Variants in SH3BGRL observed in about 807,000 individuals in gnomAD.
SH3BGRL encodes the protein SH3 domain binding glutamate rich protein like.
Under a neutral mutation model 9.8 loss-of-function variants are expected in SH3BGRL, and 7 were observed. The ratio of observed to expected loss-of-function variants is 0.72; its 90% confidence interval spans 0.41 to 1.35. The LOEUF (loss-of-function observed/expected upper bound fraction) is 1.35, where lower values mean the gene tolerates loss of function less well. Ranked by LOEUF, SH3BGRL falls within the 40% of genes most tolerant of loss-of-function variation. The probability of loss-of-function intolerance (pLI) is 0.01; values close to 1 mark genes in which losing one functional copy is unlikely to be tolerated. For synonymous variants in SH3BGRL, 36 were observed against 29.1 expected, an observed-to-expected ratio of 1.24 and a Z score of -0.76; for missense variants, 73 against 84.4, an observed-to-expected ratio of 0.86 and a Z score of 0.53.
chrX:81,265,634 G>T (rs12859164), intron 1 of SH3BGRL, among the ~76,000 whole-genome samples: 1 of 111,972 alleles, frequency 8.9e-6, no homozygotes, highest in Non-Finnish European at 1.9e-5. Context: ...TTGGTTCCAA[G>T]TCTTTGCTAA....
At chrX:81,207,293 A>G (rs962059958) in intron 1 of SH3BGRL, among the ~76,000 whole-genome samples, 59 of 111,961 alleles carry the variant, frequency 5.3e-4, no homozygotes, top group African/African-American at 1.9e-3. Flanking sequence ...TTAATTGTGA[A>G]GTAACTTTTA....
chrX:81,269,177 C>A (rs1385080003), intron 1 of SH3BGRL, among the ~76,000 whole-genome samples: 1 of 111,628 alleles, frequency 9.0e-6, no homozygotes, highest in East Asian at 2.8e-4. Flanking sequence ...TCCAATTTGC[C>A]AGTCTGTGTC....
chrX:81,210,262 G>T (rs760649507), intron 1 of SH3BGRL, among the ~76,000 whole-genome samples: 57 of 111,215 alleles, frequency 5.1e-4, no homozygotes, highest in Non-Finnish European at 8.9e-4. Context: ...TCAGCCAGTT[G>T]TTTCATTATA....
intron 1 of SH3BGRL, among the ~76,000 whole-genome samples, chrX:81,223,405 A>T (rs764687070): frequency 4.3e-4 from 48 of 111,594 alleles, no homozygotes; most frequent in African/African-American, 1.5e-3. Context: ...CATACAATAC[A>T]TGGAGAGCCA....
At chrX:81,273,289 G>T (rs764809818) in intron 1 of SH3BGRL, among the ~76,000 whole-genome samples, 2 of 112,484 alleles carry the variant, frequency 1.8e-5, no homozygotes, top group Non-Finnish European at 3.8e-5. Flanking sequence ...TCTCATTGGC[G>T]TTGCCATTCT....
At chrX:81,270,598 G>T (rs1399232887) in intron 1 of SH3BGRL, among the ~76,000 whole-genome samples, 3 of 111,950 alleles carry the variant, frequency 2.7e-5, no homozygotes, top group Non-Finnish European at 5.6e-5. Flanking sequence ...TACTCTGGAA[G>T]CTTCGTCCCA....
chrX:81,297,985 C>G lies in SH3BGRL; in HGVS notation c.*758C>G, dbSNP rs777602956. The G allele has an allele frequency of 3.3e-3, 370 of 111,665 alleles. 2 individuals carry two copies. The highest frequency in any genetic ancestry group is 0.011 in the African/African-American group (345 of 30,880). 9.2% of individuals were successfully genotyped at this position (111,665 alleles called of 1,213,427 possible). Reference sequence around the variant, plus strand: ...ATATGTATATCATGAAAGTGGGATGCCAAGTAAGCTTAAAATGGCATTCTC... The same window carrying G: ...ATATGTATATCATGAAAGTGGGATGGCAAGTAAGCTTAAAATGGCATTCTC... On this transcript the variant is annotated 3_prime_UTR_variant, in exon 4 of 4. Transcript: ENST00000373212.
intron 1 of SH3BGRL, among the ~76,000 whole-genome samples, chrX:81,265,046 CAT>C (rs771399296): frequency 8.9e-5 from 9 of 100,706 alleles, no homozygotes; most frequent in Non-Finnish European, 1.6e-4. Context: ...CACCTGAAGA[CAT>C]AGCAGTTTTT....
intron 1 of SH3BGRL, among the ~76,000 whole-genome samples, chrX:81,234,803 A>G (rs1021404743): frequency 3.6e-5 from 4 of 111,706 alleles, no homozygotes; most frequent in African/African-American, 1.3e-4. Flanking sequence ...CTGGGTTTTG[A>G]GTTATGTCCC....
chrX:81,267,836 G>A (rs1157111433), intron 1 of SH3BGRL, among the ~76,000 whole-genome samples: 1 of 111,372 alleles, frequency 9.0e-6, no homozygotes, highest in Non-Finnish European at 1.9e-5. Context: ...CTGTGAATCC[G>A]TCTGGTCCTG....
At chrX:81,224,695 T>C (rs2075611197) in intron 1 of SH3BGRL, among the ~76,000 whole-genome samples, 1 of 111,854 alleles carries the variant, frequency 8.9e-6, no homozygotes, top group Admixed American at 9.5e-5. Flanking sequence ...ACTAACTTCA[T>C]TGTATACAAA....
chrX:81,202,999 T>C (rs1230850478), intron 1 of SH3BGRL, among the ~76,000 whole-genome samples: 1 of 111,979 alleles, frequency 8.9e-6, no homozygotes. Flanking sequence ...GCTTCTTGTG[T>C]AGTGGCAGCC....
At chrX:81,267,002 C>G (rs1299512266) in intron 1 of SH3BGRL, among the ~76,000 whole-genome samples, 4 of 111,457 alleles carry the variant, frequency 3.6e-5, no homozygotes, top group Non-Finnish European at 5.6e-5. Flanking sequence ...GTTTGGCTCT[C>G]TGTTTGTCTG....
intron 1 of SH3BGRL, chrX:81,255,534 T>TA (rs2147697328): frequency 8.9e-6 from 1 of 112,116 alleles, no homozygotes; most frequent in East Asian, 2.8e-4. Context: ...TAAGGATATA[T>TA]AAAATGAATT....
chrX:81,235,198 T>G (rs1467733550), intron 1 of SH3BGRL, among the ~76,000 whole-genome samples: 1 of 110,755 alleles, frequency 9.0e-6, no homozygotes, highest in African/African-American at 3.3e-5. Flanking sequence ...AACAAAATTT[T>G]GATAAATATT....
intron 3 of SH3BGRL, among the ~76,000 whole-genome samples, chrX:81,294,056 A>G (rs756552167): frequency 1.1e-3 from 119 of 110,931 alleles, no homozygotes; most frequent in Non-Finnish European, 2.1e-3. Context: ...GTGTGGTTAA[A>G]GGCATTCACT....
At chrX:81,242,455 T>C (rs1322070789) in intron 1 of SH3BGRL, among the ~76,000 whole-genome samples, 1 of 112,191 alleles carries the variant, frequency 8.9e-6, no homozygotes, top group Non-Finnish European at 1.9e-5. Context: ...TCAAAAGTAC[T>C]ACAAGACACT....
chrX:81,273,954 G>A (rs2075789314), intron 1 of SH3BGRL, among the ~76,000 whole-genome samples: 1 of 111,427 alleles, frequency 9.0e-6, no homozygotes, highest in Admixed American at 9.5e-5. Context: ...TCTAACATGT[G>A]GACAGAAATG....
At chrX:81,235,063 T>C (rs1182439993) in intron 1 of SH3BGRL, among the ~76,000 whole-genome samples, 1 of 111,891 alleles carries the variant, frequency 8.9e-6, no homozygotes, top group African/African-American at 3.2e-5. Flanking sequence ...AGAGAGTCCC[T>C]TTCTTTATCT....
Sources: allele counts gnomAD v4.1 joint callset (sites outside exome capture counted in the v4.1 genomes callset), GRCh38; gene constraint gnomAD v4.1.1; transcripts MANE v1.5; gene names NCBI Gene and HGNC (gene_info 2026-07-23, HGNC 2026-07-21).